LDHB: variants seen among roughly 807,000 people sequenced by gnomAD.
The protein encoded by LDHB is L-lactate dehydrogenase B chain.
Under a neutral mutation model 33.4 loss-of-function variants are expected in LDHB, and 18 were observed. The ratio of observed to expected loss-of-function variants is 0.54; its 90% CI spans 0.37 to 0.80. The LOEUF is 0.80. LDHB is among the 30% of genes least tolerant of loss of function. LDHB has a pLI of 0.00. For synonymous variants in LDHB, 121 were observed against 140.6 expected, an observed-to-expected ratio of 0.86 and a Z score of 0.98; for missense variants, 345 against 407.9, an observed-to-expected ratio of 0.85 and a Z score of 1.33.
chr12:21,635,860 C>T, intron 7 of LDHB, 151 bp from the exon 8 acceptor site: 2 of 717,380 alleles, frequency 2.8e-6, no homozygotes, highest in Non-Finnish European at 5.0e-6. Flanking sequence ...GCCTGGGTGA[C>T]AGAGCAAGAA....
At position 21,647,033 on chromosome 12, in the gene LDHB, A is replaced by C; in HGVS notation, c.130-17T>G. On this transcript the variant is annotated splice_polypyrimidine_tract_variant and intron_variant, in intron 2 of 7. Transcript: ENST00000350669. ...AGCCAGAGACTGTAAACGCAAAAAC[A>C]GGCATTAGAACCCTAAGCCACTCTA... The C allele has an allele frequency of 1.3e-6, 2 of 1,527,270 alleles. No individual in the cohort carries two copies. Among genetic ancestry groups the C allele is most frequent in the Non-Finnish European group, 1.8e-6 (2 of 1,101,428 alleles). 94.6% of individuals were successfully genotyped at this position (1,527,270 alleles called of 1,614,324 possible).
chr12:21,646,357 CAGTGTGG>C (rs1276291905), intron 3 of LDHB, among the ~76,000 whole-genome samples: 3 of 152,146 alleles, frequency 2.0e-5, no homozygotes, highest in Admixed American at 6.5e-5. Flanking sequence ...ACTAGTGTGG[CAGTGTGG>C]AGTGTGGAAT....
chr12:21,652,982 A>G (rs1027282329), intron 2 of LDHB, among the ~76,000 whole-genome samples: 4 of 152,220 alleles, frequency 2.6e-5, no homozygotes, highest in African/African-American at 9.6e-5. Context: ...GCCTTTACAT[A>G]TGATACAAAG....
At chr12:21,655,146 T>C (rs537313537) in intron 1 of LDHB, among the ~76,000 whole-genome samples, 2 of 152,104 alleles carry the variant, frequency 1.3e-5, no homozygotes, top group South Asian at 4.1e-4. Flanking sequence ...AAAAGAACCA[T>C]GAGACCCATT....
chr12:21,655,368 A>C (rs1423127022), intron 1 of LDHB, among the ~76,000 whole-genome samples: 1 of 152,206 alleles, frequency 6.6e-6, no homozygotes, highest in Non-Finnish European at 1.5e-5. Flanking sequence ...TCTAGTATTG[A>C]CTCATACTTA....
intron 2 of LDHB, among the ~76,000 whole-genome samples, chr12:21,653,617 T>C (rs551254956): frequency 3.8e-4 from 57 of 151,468 alleles, no homozygotes; most frequent in Middle Eastern, 3.4e-3. Flanking sequence ...GATCTCTGTA[T>C]CTATAAATCT....
At chr12:21,640,138 A>G (rs1389297786) in intron 5 of LDHB, among the ~76,000 whole-genome samples, 1 of 75,446 alleles carries the variant, frequency 1.3e-5, no homozygotes, top group Non-Finnish European at 2.8e-5. Flanking sequence ...TAGTTTCAAT[A>G]TTGGATTATT....
intron 4 of LDHB, 95 bp from the exon 5 acceptor site, chr12:21,642,220 C>G (rs1938395185): frequency 1.2e-6 from 1 of 807,418 alleles, no homozygotes; most frequent in South Asian, 1.4e-5. Flanking sequence ...TCCCACTTCC[C>G]CACTCCCCAA....
intron 5 of LDHB, 52 bp from the exon 6 acceptor site, chr12:21,638,522 A>T (rs1317993327): frequency 8.1e-7 from 1 of 1,233,300 alleles, no homozygotes; most frequent in Non-Finnish European, 1.2e-6. Context: ...CATTATTTTA[A>T]AAAATATTTT....
At position 21,635,527 on chromosome 12, in the gene LDHB, C is replaced by A; in HGVS notation, c.*15G>T. ...CATTGTAGTTTTTAAATTTCTACAG[C>A]CTAGAGCTCACTAGTCACAGGTCTT... On this transcript the variant is annotated 3_prime_UTR_variant, in exon 8 of 8. Coordinates refer to ENST00000350669, the MANE Select transcript of LDHB (RefSeq NM_002300.8). 6.2e-7 allele frequency: 1 copy of A among 1,605,380 alleles called. No individual in the cohort carries two copies. The highest frequency in any genetic ancestry group is 8.5e-7 in the Non-Finnish European group (1 of 1,173,944).
intron 1 of LDHB, chr12:21,657,099 G>A (rs974846062): frequency 3.3e-5 from 5 of 152,118 alleles, no homozygotes; most frequent in Admixed American, 1.3e-4. Flanking sequence ...CCCGAGTAAG[G>A]TCTGTGGGGA....
chr12:21,642,032 C>A lies in LDHB; in HGVS notation c.515G>T (p.Arg172Leu). 6.2e-7 allele frequency: 1 copy of A among 1,613,296 alleles called. No individual in the cohort carries two copies. The highest frequency in any genetic ancestry group is 8.5e-7 in the Non-Finnish European group (1 of 1,179,596). The change falls in exon 5 of 8, where the codon CGC becomes CTC. Residue 172 changes from arginine (R) to leucine (L), a missense_variant. Arg to Leu is a moderately radical substitution (Grantham distance 102). Coordinates refer to ENST00000350669, the MANE Select transcript of LDHB (RefSeq NM_002300.8). ...SGCNLDSARF[R>L]YLMAEKLGIH... ...GCCAAGTTTTTCAGCCATAAGGTAG[C>A]GAAATCTAGCAGAATCCAGATTACA...
At chr12:21,636,400 T>C (rs920457810) in intron 7 of LDHB, among the ~76,000 whole-genome samples, 2 of 151,754 alleles carry the variant, frequency 1.3e-5, no homozygotes, top group South Asian at 2.1e-4. Context: ...GTGTGGGTAA[T>C]TTATTCACAG....
intron 5 of LDHB, among the ~76,000 whole-genome samples, chr12:21,639,929 A>G (rs902984592): frequency 2.6e-5 from 4 of 152,036 alleles, no homozygotes; most frequent in African/African-American, 9.7e-5. Context: ...TTATGCTACA[A>G]CTTCAAGAAC....
At chr12:21,653,326 TC>T (rs1384847338) in intron 2 of LDHB, among the ~76,000 whole-genome samples, 5 of 151,522 alleles carry the variant, frequency 3.3e-5, no homozygotes, top group African/African-American at 1.2e-4. Flanking sequence ...AAAACAGGGG[TC>T]CCCAACACCC....
chr12:21,649,470 T>A (rs1677105), intron 2 of LDHB, among the ~76,000 whole-genome samples: 143,952 of 152,308 alleles, frequency 0.95, 68,531 homozygotes, highest in East Asian at 1. Flanking sequence ...CAATGAATTT[T>A]CCATATATAT....
chr12:21,651,943 A>G (rs1360871444), intron 2 of LDHB, among the ~76,000 whole-genome samples: 3 of 152,248 alleles, frequency 2.0e-5, no homozygotes, highest in Non-Finnish European at 4.4e-5. Flanking sequence ...AGGGAAAAGA[A>G]CGCTAGATTG....
chr12:21,651,566 G>A (rs550207461), intron 2 of LDHB, among the ~76,000 whole-genome samples: 23 of 152,280 alleles, frequency 1.5e-4, no homozygotes, highest in Non-Finnish European at 3.4e-4. Context: ...AAAAAGGCCA[G>A]ATCTGGCACT....
At chr12:21,644,170 T>C in intron 3 of LDHB, 62 bp from the exon 4 acceptor site, 1 of 1,205,404 alleles carries the variant, frequency 8.3e-7, no homozygotes, top group East Asian at 2.4e-5. Flanking sequence ...ACATAACCTA[T>C]ATGACATGCT....
Sources: gnomAD v4.1 joint callset for allele counts (sites outside exome capture counted in the v4.1 genomes callset) on GRCh38, gnomAD v4.1.1 for gene constraint, MANE v1.5 for transcripts, NCBI Gene and HGNC (gene_info 2026-07-23, HGNC 2026-07-21) for gene names.